MED20: variants seen among roughly 807,000 people sequenced by gnomAD.
MED20 encodes mediator complex subunit 20.
In MED20, 19 loss-of-function variants were observed where a neutral mutation model predicts 19.7. That is an observed-to-expected ratio of 0.96 (90% confidence interval 0.67 to 1.42). The LOEUF (loss-of-function observed/expected upper bound fraction) is 1.42. Ranked by LOEUF, MED20 falls within the 40% of genes most tolerant of loss-of-function variation. MED20 has a pLI of 0.00. For missense variants in MED20, 225 were observed against 273.0 expected (o/e 0.82, Z 1.24); for synonymous variants, 105 against 104.8 (o/e 1.00, Z -0.01).
chr6:41,907,090 C>A lies in MED20; in HGVS notation c.621G>T (p.Pro207=). 2 of 1,613,650 alleles carry A rather than the reference C, an allele frequency of 1.2e-6. No homozygotes were observed. The highest frequency in any genetic ancestry group is 3.4e-4 in the Middle Eastern group (2 of 5,810). Residue 207 remains proline (P), a synonymous_variant, in exon 4 of 4, where the codon CCG becomes CCT. Coordinates refer to ENST00000265350, the MANE Select transcript of MED20 (RefSeq NM_004275.5). ...CTCATCACTAACGAATCCCAGCCAC[C>A]GGCACCTGCTGCTGCTTGCGGATCT... The part of the protein sequence containing the change: ...FNKIRKQQQV[P]VAGIR
chr6:41,907,120 G>A lies in MED20; in HGVS notation c.591C>T (p.Phe197=). The A allele has an allele frequency of 6.2e-7, 1 of 1,613,976 alleles. No individual in the cohort carries two copies. The highest frequency in any genetic ancestry group is 8.5e-7 in the Non-Finnish European group (1 of 1,179,962). The part of the protein sequence containing the change: ...ADTMVQYMEL[F]NKIRKQQQVP... ...CCTGCTGCTGCTTGCGGATCTTGTT[G>A]AAGAGTTCCATGTACTGGACCATGG... Residue 197 remains phenylalanine, a synonymous_variant, in exon 4 of 4, where the codon TTC becomes TTT. Coordinates refer to ENST00000265350, the MANE Select transcript of MED20 (RefSeq NM_004275.5).
Position 41,920,994 on chromosome 6 carries a change from T to A in MED20, c.14+11A>T. On this transcript the variant is annotated intron_variant, in intron 1 of 3. Coordinates refer to ENST00000265350, the MANE Select transcript of MED20 (RefSeq NM_004275.5). ...CCAAGCCCCGCCCCACAAAACCCCCTGCAGTCCTACCAAGTCACTCCCATG... is the reference window on the plus strand; with the variant it reads ...CCAAGCCCCGCCCCACAAAACCCCCAGCAGTCCTACCAAGTCACTCCCATG... The A allele has an allele frequency of 1.2e-6, 2 of 1,611,932 alleles. No homozygotes were observed. Among genetic ancestry groups the A allele is most frequent in the Non-Finnish European group, 1.7e-6 (2 of 1,178,948 alleles).
intron 1 of MED20, among the ~76,000 whole-genome samples, chr6:41,918,158 T>C (rs1166982817): frequency 1.3e-5 from 2 of 152,136 alleles, no homozygotes; most frequent in Admixed American, 1.3e-4. Flanking sequence ...GAATTAACTC[T>C]CCAAATCCTC....
chr6:41,917,634 C>G, intron 1 of MED20: 1 of 397,018 alleles, frequency 2.5e-6, no homozygotes, highest in South Asian at 1.8e-5. Context: ...CTTCCTATCA[C>G]AGGGCGTTCT....
intron 1 of MED20, 41 bp downstream of exon 1, chr6:41,920,964 C>T (rs1360715630): frequency 1.3e-6 from 2 of 1,599,074 alleles, no homozygotes. Flanking sequence ...CGGCCTTTCA[C>T]AACTCCAAGC....
chr6:41,920,931 G>A, intron 1 of MED20, 74 bp downstream of exon 1: 3 of 1,557,660 alleles, frequency 1.9e-6, no homozygotes, highest in Non-Finnish European at 2.6e-6. Context: ...GAGGACGGCG[G>A]ACCATGGTCA....
chr6:41,920,668 G>T, intron 1 of MED20: 1 of 243,330 alleles, frequency 4.1e-6, no homozygotes. Flanking sequence ...CCAGCTACTC[G>T]GGACTACAGG....
intron 2 of MED20, 124 bp from the exon 3 acceptor site, chr6:41,909,646 T>C (rs1435705063): frequency 5.7e-6 from 8 of 1,412,736 alleles, no homozygotes; most frequent in African/African-American, 1.4e-5. Context: ...CAGTTCTTGG[T>C]TGGGGGTGAG....
rs778081762 is a variant in MED20 at position 41,921,054 on chromosome 6, A to G, written c.-36T>C. ...CAGGAAGGTGGCAGAATCACACAGT[A>G]GAAACGCAGGGTTCCCTGTCCGCCC... On this transcript the variant is annotated 5_prime_UTR_variant, in exon 1 of 4. Coordinates refer to ENST00000265350, the MANE Select transcript of MED20 (RefSeq NM_004275.5). 12 of 1,609,414 alleles carry G rather than the reference A, an allele frequency of 7.5e-6. No homozygotes were observed. The highest frequency in any genetic ancestry group is 1.0e-5 in the Non-Finnish European group (12 of 1,177,718).
chr6:41,918,627 C>T (rs1561940417), intron 1 of MED20, among the ~76,000 whole-genome samples: 1 of 151,646 alleles, frequency 6.6e-6, no homozygotes, highest in Non-Finnish European at 1.5e-5. Flanking sequence ...TCCTGGCTAA[C>T]ACGGTGAAAC....
At chr6:41,913,817 G>A (rs1775252586) in intron 2 of MED20, among the ~76,000 whole-genome samples, 1 of 152,138 alleles carries the variant, frequency 6.6e-6, no homozygotes, top group African/African-American at 2.4e-5. Context: ...AGAATTGCTT[G>A]AACTTGGGAG....
intron 2 of MED20, among the ~76,000 whole-genome samples, chr6:41,914,401 T>C (rs1020203818): frequency 5.3e-5 from 8 of 152,060 alleles, no homozygotes; most frequent in Non-Finnish European, 1.0e-4. Flanking sequence ...ACAGGGAAAG[T>C]GCAGGAAATG....
At chr6:41,911,055 G>A (rs1775179848) in intron 2 of MED20, among the ~76,000 whole-genome samples, 1 of 150,542 alleles carries the variant, frequency 6.6e-6, no homozygotes, top group Non-Finnish European at 1.5e-5. Flanking sequence ...GTTGCAGTGA[G>A]CCGAGATCGT....
chr6:41,909,170 T>C (rs1775126464), intron 3 of MED20, 99 bp downstream of exon 3: 1 of 1,421,012 alleles, frequency 7.0e-7, no homozygotes, highest in African/African-American at 1.6e-5. Flanking sequence ...CAAGACTCTG[T>C]CTCAAAAAAA....
intron 1 of MED20, among the ~76,000 whole-genome samples, chr6:41,920,245 C>T (rs1437585210): frequency 1.2e-4 from 18 of 152,172 alleles, no homozygotes. Context: ...GTGCCTGGAA[C>T]CATGATCTCC....
intron 2 of MED20, among the ~76,000 whole-genome samples, chr6:41,912,378 A>ATGGAGTCT (rs1775219651): frequency 9.4e-6 from 1 of 106,278 alleles, no homozygotes; most frequent in South Asian, 3.0e-4. Flanking sequence ...TTTTTTGGAG[A>ATGGAGTCT]TGGAGTCTAG....
At chr6:41,908,154 G>C (rs1775103891) in intron 3 of MED20, among the ~76,000 whole-genome samples, 1 of 152,186 alleles carries the variant, frequency 6.6e-6, no homozygotes, top group Admixed American at 6.5e-5. Context: ...CACAACCAAA[G>C]TCAGCAGTGT....
Position 41,921,001 on chromosome 6 carries a change from C to T in MED20, c.14+4G>A. 6.2e-7 allele frequency: 1 copy of T among 1,612,986 alleles called. No homozygotes were observed. The highest frequency in any genetic ancestry group is 1.1e-5 in the South Asian group (1 of 90,956). On this transcript the variant is annotated splice_donor_region_variant and intron_variant, in intron 1 of 3. Coordinates refer to ENST00000265350, the MANE Select transcript of MED20 (RefSeq NM_004275.5). ...CCGCCCCACAAAACCCCCTGCAGTCCTACCAAGTCACTCCCATGGCGTCGG... is the reference window on the plus strand; with the variant it reads ...CCGCCCCACAAAACCCCCTGCAGTCTTACCAAGTCACTCCCATGGCGTCGG...
intron 2 of MED20, among the ~76,000 whole-genome samples, chr6:41,910,418 G>T (rs920828389): frequency 6.6e-6 from 1 of 151,912 alleles, no homozygotes; most frequent in Non-Finnish European, 1.5e-5. Context: ...GATCACTTGA[G>T]GTCAGGAGTT....
Sources: allele counts gnomAD v4.1 joint callset (sites outside exome capture counted in the v4.1 genomes callset), GRCh38; gene constraint gnomAD v4.1.1; transcripts MANE v1.5; gene names NCBI Gene and HGNC (gene_info 2026-07-23, HGNC 2026-07-21).